Variants in PRG4 observed in about 807,000 individuals in gnomAD.
The protein encoded by PRG4 is proteoglycan 4.
Under a neutral mutation model 91.2 loss-of-function variants are expected in PRG4, and 61 were observed. The ratio of observed to expected loss-of-function variants is 0.67; its 90% CI spans 0.54 to 0.83. The LOEUF (loss-of-function observed/expected upper bound fraction) is 0.83. PRG4 is among the 40% of genes least tolerant of loss of function. PRG4 has a pLI of 0.00. For synonymous variants in PRG4, 576 were observed against 614.2 expected, an observed-to-expected ratio of 0.94 and a Z score of 0.92; for missense variants, 1,564 against 1,714.2, an observed-to-expected ratio of 0.91 and a Z score of 1.55.
At position 186,308,617 on chromosome 1, in the gene PRG4, A is replaced by G. The variant is rs1339099899; in HGVS notation, c.2898A>G (p.Gln966=). ...CACAAGTAACATCTACCACAACTCAAGATACCACACCATTCAAAATTACTA... is the reference window on the plus strand; with the variant it reads ...CACAAGTAACATCTACCACAACTCAGGATACCACACCATTCAAAATTACTA... ...TTTQVTSTTT[Q]DTTPFKITTL... Residue 966 remains glutamine (Q), a synonymous_variant, in exon 7 of 13, where the codon CAA becomes CAG. Coordinates refer to ENST00000445192, the MANE Select transcript of PRG4 (RefSeq NM_005807.6). 1 of 1,613,528 alleles carries G rather than the reference A, an allele frequency of 6.2e-7. No individual in the cohort carries two copies. Among genetic ancestry groups the G allele is most frequent in the Admixed American group, 1.7e-5 (1 of 59,960 alleles).
rs1657511054 is a variant in PRG4 at position 186,314,330 on chromosome 1, A to G, written c.*552A>G. ...AATTAACAATATAATGGCAATAGGT[A>G]GAGATACAACAAATGAATATAACAC... On this transcript the variant is annotated 3_prime_UTR_variant, in exon 13 of 13. Coordinates refer to ENST00000445192, the MANE Select transcript of PRG4 (RefSeq NM_005807.6). 1 of 392,734 alleles carries G rather than the reference A, an allele frequency of 2.5e-6. No homozygotes were observed. The highest frequency in any genetic ancestry group is 4.2e-5 in the Admixed American group (1 of 23,872). The allele number at this position is 392,734 out of a possible 1,614,324, so 24.3% of individuals were successfully genotyped here.
rs1471300362 is a variant in PRG4, at chr1:186,311,138, T to C, written c.3604T>C (p.Cys1202Arg). Residue 1202 changes from cysteine (C) to arginine (R), a missense_variant, in exon 9 of 13, where the codon TGC (cysteine) becomes CGC (arginine). Cys to Arg is a radical substitution (Grantham distance 180). This residue lies in a region of PRG4 where 1,079 missense variants were observed against 1,162.2 expected (regional missense o/e 0.93). Coordinates refer to ENST00000445192, the MANE Select transcript of PRG4 (RefSeq NM_005807.6). ...CCCCATTGATACTGTTTTTACTAGG[T>C]GCAACTGTGAAGGAAAAACTTTCTT... is the stretch of plus-strand genomic sequence containing the variant. ...PSPIDTVFTR[C>R]NCEGKTFFFK... 6.2e-7 allele frequency: 1 copy of C among 1,613,390 alleles called. No homozygotes were observed. Among genetic ancestry groups the C allele is most frequent in the Non-Finnish European group, 8.5e-7 (1 of 1,179,354 alleles).
Position 186,304,814 on chromosome 1 carries a change from C to A in PRG4, c.490C>A (p.Gln164Lys). 6.2e-7 allele frequency: 1 copy of A among 1,611,972 alleles called. No individual in the cohort carries two copies. The highest frequency in any genetic ancestry group is 1.1e-5 in the South Asian group (1 of 90,996). Residue 164 changes from glutamine to lysine, a missense_variant, in exon 6 of 13, where the codon CAA becomes AAA. By Grantham distance (53) the Gln-to-Lys change is moderately conservative. Around this residue, in one of 3 missense-constraint regions of PRG4, gnomAD observed 437 missense variants for 459.0 expected, o/e 0.95. Transcript: ENST00000445192. ...TATAGAACATTCTGTTTCTGAAAAT[C>A]AAGAGTCCTCCTCCTCCTCCTCCTC... is the stretch of plus-strand genomic sequence containing the variant. ...ITEEHSVSEN[Q>K]ESSSSSSSSS...
intron 4 of PRG4, 93 bp from the exon 5 acceptor site, chr1:186,304,015 A>C: frequency 1.4e-6 from 2 of 1,384,964 alleles, no homozygotes. Flanking sequence ...ACCAGCATCT[A>C]CTCTTGAAGC....
At chr1:186,300,929 A>G (rs1310008110) in intron 3 of PRG4, among the ~76,000 whole-genome samples, 3 of 152,208 alleles carry the variant, frequency 2.0e-5, no homozygotes, top group Non-Finnish European at 2.9e-5. Context: ...TGTGCAATTT[A>G]TGTATTGGAT....
chr1:186,301,949 A>G (rs1477412417), intron 4 of PRG4, among the ~76,000 whole-genome samples: 1 of 152,184 alleles, frequency 6.6e-6, no homozygotes, highest in Admixed American at 6.5e-5. Context: ...CAGAGGGGGA[A>G]CATAGAGGAT....
intron 2 of PRG4, among the ~76,000 whole-genome samples, chr1:186,298,008 GC>G (rs1655966086): frequency 6.6e-6 from 1 of 152,190 alleles, no homozygotes; most frequent in South Asian, 2.1e-4. Flanking sequence ...TTTCTAAACT[GC>G]CTTTTCCTCT....
Position 186,307,905 on chromosome 1 carries a change from C to A in PRG4, c.2186C>A (p.Ala729Asp), listed in dbSNP as rs756220036. ...EPAPTTPKKP[A>D]PKELAPTTTK... ...GCACCCACTACTCCCAAGAAGCCTG[C>A]CCCCAAGGAGCTTGCACCCACCACC... Residue 729 changes from alanine to aspartate, a missense_variant, in exon 7 of 13, where the codon GCC (alanine) becomes GAC (aspartate). Coordinates refer to ENST00000445192, the MANE Select transcript of PRG4 (RefSeq NM_005807.6). 26 of 1,611,078 alleles carry A rather than the reference C, an allele frequency of 1.6e-5. 1 individual carries two copies. In the South Asian group the frequency reaches 2.9e-4, roughly 18 times the overall value.
At position 186,304,088 on chromosome 1, in the gene PRG4, C is replaced by A. The variant is rs373385364; in HGVS notation, c.320-20C>A. 7 of 1,613,212 alleles carry A rather than the reference C, an allele frequency of 4.3e-6. No individual in the cohort carries two copies. Among genetic ancestry groups the A allele is most frequent in the Non-Finnish European group, 5.9e-6 (7 of 1,179,248 alleles). On this transcript the variant is annotated intron_variant, in intron 4 of 12. Transcript: ENST00000445192. ...TGAACATAAACAAGATGTTAACTGACTTGTCTTACTTGGCCTCAGTGCATA... is the reference window on the plus strand; with the variant it reads ...TGAACATAAACAAGATGTTAACTGAATTGTCTTACTTGGCCTCAGTGCATA...
Position 186,302,405 on chromosome 1 carries a change from T to A in PRG4, c.319+694T>A, listed in dbSNP as rs147689570. 2.6e-5 allele frequency among the ~76,000 whole-genome samples: 4 copies of A among 152,372 alleles called. No homozygotes were observed. The East Asian group carries it at 7.7e-4, about 29-fold the overall frequency. On this transcript the variant is annotated intron_variant, in intron 4 of 12. Coordinates refer to ENST00000445192, the MANE Select transcript of PRG4 (RefSeq NM_005807.6). ...CTCCAGATTTTACAGAAAAAGATTT[T>A]AAAAATATACTTGAATACTGGATTA...
rs1483988320 is a variant in PRG4, at chr1:186,299,015, A to G, written c.77-1076A>G. Among the ~76,000 whole-genome samples the G allele has an allele frequency of 3.3e-5, 5 of 152,084 alleles. No individual in the cohort carries two copies. The East Asian group carries it at 9.6e-4, about 29-fold the overall frequency. ...TCAGACTTTGGCATTCCTGGACTCT[A>G]TTCTTTTAAGATTTGTTTTCAGTGT... On this transcript the variant is annotated intron_variant, in intron 2 of 12. Transcript: ENST00000445192.
intron 10 of PRG4, 141 bp downstream of exon 10, chr1:186,311,737 G>C (rs538802875): frequency 1.1e-6 from 1 of 904,928 alleles, no homozygotes; most frequent in Non-Finnish European, 1.7e-6. Flanking sequence ...CAATATTGAG[G>C]GTAGTATTCT....
In PRG4 at chr1:186,301,724, G is replaced by A. The variant is rs192682991; in HGVS notation, c.319+13G>A. 4.3e-5 allele frequency: 69 copies of A among 1,612,818 alleles called. No individual in the cohort carries two copies. The highest frequency in any genetic ancestry group is 1.7e-6 in the Non-Finnish European group (2 of 1,178,858). ...TTCTGTGCAGAAGGTAAGCATCACA[G>A]TACCAACCAATGCTTCTCAGTACAG... On this transcript the variant is annotated intron_variant, in intron 4 of 12. Transcript: ENST00000445192.
chr1:186,314,251 T>C lies in PRG4; in HGVS notation c.*473T>C, dbSNP rs1343320599. 6 of 479,880 alleles carry C rather than the reference T, an allele frequency of 1.3e-5. No homozygotes were observed. Among genetic ancestry groups the C allele is most frequent in the Admixed American group, 3.8e-5 (1 of 26,076 alleles). 29.7% of individuals were successfully genotyped at this position (479,880 alleles called of 1,614,324 possible). The stretch of plus-strand genomic sequence containing the variant: ...GGAAAACATGGAAATATTAAAATTT[T>C]ACACTTTTACTAGCTAAAACATAAT... On this transcript the variant is annotated 3_prime_UTR_variant, in exon 13 of 13. Transcript: ENST00000445192.
chr1:186,312,909 A>C lies in PRG4; in HGVS notation c.4117+15A>C, dbSNP rs1272072060. 1.9e-6 allele frequency: 3 copies of C among 1,606,864 alleles called. No individual in the cohort carries two copies. Among genetic ancestry groups the C allele is most frequent in the Non-Finnish European group, 2.6e-6 (3 of 1,173,536 alleles). On this transcript the variant is annotated intron_variant, in intron 12 of 12. Coordinates refer to ENST00000445192, the MANE Select transcript of PRG4 (RefSeq NM_005807.6). The stretch of plus-strand genomic sequence containing the variant: ...CTTTTCTAAAGGTAAGGTATTAACT[A>C]ACAGTTTCCCAAGGAGGTGATATCA...
At chr1:186,306,294 A>G (rs774970178) in intron 6 of PRG4, 24 bp from the exon 7 acceptor site, 4 of 1,515,352 alleles carry the variant, frequency 2.6e-6, no homozygotes, top group Non-Finnish European at 3.6e-6. Context: ...TTCTAAAATA[A>G]CAAGATGTAT....
In PRG4 at chr1:186,312,209, A is replaced by G; in HGVS notation, c.3828A>G (p.Glu1276=). 1 of 1,613,988 alleles carries G rather than the reference A, an allele frequency of 6.2e-7. No homozygotes were observed. The highest frequency in any genetic ancestry group is 8.5e-7 in the Non-Finnish European group (1 of 1,179,912). ...GSIQQYIYKQ[E]PVQKCPGRRP... ...TTCAGCAGTATATTTATAAACAGGA[A>G]CCTGTACAGAAGTGCCCTGGAAGAA... The change falls in exon 11 of 13, where the codon GAA becomes GAG. Residue 1276 remains glutamate, a synonymous_variant. Transcript: ENST00000445192.
chr1:186,309,553 C>T (rs1025913891), intron 7 of PRG4, among the ~76,000 whole-genome samples: 1 of 152,138 alleles, frequency 6.6e-6, no homozygotes, highest in African/African-American at 2.4e-5. Context: ...ACATGAAAAT[C>T]AAGGTAACCT....
chr1:186,309,631 T>C (rs75860458), intron 7 of PRG4, among the ~76,000 whole-genome samples, 162 bp from the exon 8 acceptor site: 8 of 152,262 alleles, frequency 5.3e-5, no homozygotes, highest in Non-Finnish European at 8.8e-5. Flanking sequence ...TTAAGTAAAA[T>C]GGAATTATCA....
Sources: allele counts gnomAD v4.1 joint callset (sites outside exome capture counted in the v4.1 genomes callset), GRCh38; gene constraint gnomAD v4.1.1; regional missense constraint gnomAD v4.1.1; transcripts MANE v1.5; gene names NCBI Gene and HGNC (gene_info 2026-07-23, HGNC 2026-07-21).